Variants in TOMM5 observed in about 807,000 individuals in gnomAD.
TOMM5 encodes the protein mitochondrial import receptor subunit TOM5 homolog.
Under a neutral mutation model 4.8 loss-of-function variants are expected in TOMM5, and 1 was observed. The ratio of observed to expected loss-of-function variants is 0.21; its 90% CI spans 0.07 to 0.99. The LOEUF is 0.99. Among genes scored for constraint, TOMM5 ranks in the 50% least tolerant of loss-of-function variants. The pLI is 0.60. For synonymous variants in TOMM5, 26 were observed against 26.7 expected (o/e 0.97, Z 0.08); for missense variants, 60 against 66.6 (o/e 0.90, Z 0.35).
At position 37,592,446 on chromosome 9, in the gene TOMM5, C is replaced by A. The variant is rs774502630; in HGVS notation, c.87G>T (p.Arg29=). ...GGAGGGCCACGTAGATGAGAAAGTTCCGTATGGAGGAGATCACATCCTCGC... is the reference window on the plus strand; with the variant it reads ...GGAGGGCCACGTAGATGAGAAAGTTACGTATGGAGGAGATCACATCCTCGC... The part of the protein sequence containing the change: ...KMREDVISSI[R]NFLIYVALLR... Residue 29 remains arginine, a synonymous_variant, in exon 1 of 2, where the codon CGG becomes CGT. Transcript: ENST00000321301. The A allele has an allele frequency of 6.6e-5, 107 of 1,614,062 alleles. No individual in the cohort carries two copies. The highest frequency in any genetic ancestry group is 8.9e-5 in the Non-Finnish European group (105 of 1,180,040).
chr9:37,588,954 A>G, intron 1 of TOMM5, 22 bp from the exon 2 acceptor site: 1 of 1,598,792 alleles, frequency 6.3e-7, no homozygotes, highest in Non-Finnish European at 8.6e-7. Context: ...ACAAATCTAA[A>G]ATTAGTTTTC....
chr9:37,589,971 C>T (rs1307523936), intron 1 of TOMM5, among the ~76,000 whole-genome samples: 1 of 152,212 alleles, frequency 6.6e-6, no homozygotes, highest in Non-Finnish European at 1.5e-5. Flanking sequence ...ATCCTTCCAA[C>T]AGAAACTTAT....
chr9:37,588,695 G>A lies in TOMM5; in HGVS notation c.*203C>T, dbSNP rs543784877. On this transcript the variant is annotated 3_prime_UTR_variant, in exon 2 of 2. Transcript: ENST00000321301. ...CAGGGATAAGGGTACACCAGATCAC[G>A]AGACATCGTTTCATACTTCCCAAAT... 1.4e-5 allele frequency: 10 copies of A among 696,496 alleles called. No homozygotes were observed. The highest frequency in any genetic ancestry group is 4.5e-5 in the South Asian group (3 of 66,662). The allele number at this position is 696,496 out of a possible 1,614,324, so 43.1% of individuals were successfully genotyped here. A position where few individuals can be genotyped will look rare whatever the true frequency, so the allele number is the denominator to read the frequency against.
intron 1 of TOMM5, among the ~76,000 whole-genome samples, chr9:37,591,494 C>G (rs554095247): frequency 7.9e-5 from 12 of 151,898 alleles, no homozygotes; most frequent in African/African-American, 2.9e-4. Context: ...AGTTCGAGAC[C>G]GGCCTGGCCA....
chr9:37,590,868 G>A (rs1354405568), intron 1 of TOMM5, among the ~76,000 whole-genome samples: 1 of 152,218 alleles, frequency 6.6e-6, no homozygotes, highest in African/African-American at 2.4e-5. Flanking sequence ...CAGAATAAGG[G>A]ACATCTCAGT....
At chr9:37,592,159 G>C in intron 1 of TOMM5, 1 of 1,432,952 alleles carries the variant, frequency 7.0e-7, no homozygotes, top group East Asian at 2.5e-5. Flanking sequence ...GCGCCCGGCA[G>C]CTCAAACATT....
chr9:37,590,270 C>T (rs2119234505), intron 1 of TOMM5, among the ~76,000 whole-genome samples: 1 of 152,194 alleles, frequency 6.6e-6, no homozygotes, highest in Admixed American at 6.5e-5. Flanking sequence ...TGTGTGCCTG[C>T]AGTCTCAATT....
At chr9:37,591,781 G>A (rs1318731528) in intron 1 of TOMM5, among the ~76,000 whole-genome samples, 1 of 151,994 alleles carries the variant, frequency 6.6e-6, no homozygotes, top group African/African-American at 2.4e-5. Context: ...ATCATTCACT[G>A]AATCGCTGAG....
At chr9:37,589,002 A>G in intron 1 of TOMM5, 70 bp from the exon 2 acceptor site, 2 of 1,347,674 alleles carry the variant, frequency 1.5e-6, no homozygotes, top group African/African-American at 1.4e-5. Context: ...TAGAATTATC[A>G]GGTTTATTCA....
At chr9:37,591,852 T>G (rs1354117716) in intron 1 of TOMM5, among the ~76,000 whole-genome samples, 1 of 152,172 alleles carries the variant, frequency 6.6e-6, no homozygotes, top group Admixed American at 6.5e-5. Context: ...TGGTTCTGTT[T>G]CTCTGTTTCT....
chr9:37,590,329 G>A (rs374313945), intron 1 of TOMM5, among the ~76,000 whole-genome samples: 38 of 152,162 alleles, frequency 2.5e-4, no homozygotes, highest in African/African-American at 8.9e-4. Context: ...CTGGGAGGTC[G>A]AGGTTGCTGT....
At chr9:37,589,804 G>A (rs1387458065) in intron 1 of TOMM5, among the ~76,000 whole-genome samples, 2 of 152,098 alleles carry the variant, frequency 1.3e-5, no homozygotes, top group African/African-American at 2.4e-5. Context: ...TTACAGGCAT[G>A]AGCCACTGCG....
intron 1 of TOMM5, chr9:37,592,136 G>A: frequency 7.7e-7 from 1 of 1,291,936 alleles, no homozygotes; most frequent in Non-Finnish European, 1.0e-6. Context: ...TGGGATTACA[G>A]GTGTGAGCCA....
chr9:37,589,168 A>G (rs1588873399), intron 1 of TOMM5, among the ~76,000 whole-genome samples: 1 of 152,374 alleles, frequency 6.6e-6, no homozygotes, highest in Admixed American at 6.5e-5. Context: ...TTCTCCAGAT[A>G]GTTTGCCCCT....
chr9:37,592,270 C>T (rs1488473381), intron 1 of TOMM5, 142 bp downstream of exon 1: 1 of 1,551,624 alleles, frequency 6.4e-7, no homozygotes, highest in Non-Finnish European at 8.7e-7. Context: ...CGCGCATATG[C>T]CCGTCGCCTT....
chr9:37,588,774 C>A lies in TOMM5; in HGVS notation c.*124G>T. The A allele has an allele frequency of 1.0e-6, 1 of 984,096 alleles. No individual in the cohort carries two copies. The highest frequency in any genetic ancestry group is 1.6e-6 in the Non-Finnish European group (1 of 614,950). 61.0% of individuals were successfully genotyped at this position (984,096 alleles called of 1,614,324 possible). ...TTACCAGAGCCAAACTTGTTCTTAA[C>A]AAGCAGAATTTTATGTCCATTCAAA... On this transcript the variant is annotated 3_prime_UTR_variant, in exon 2 of 2. Transcript: ENST00000321301.
rs1338835270 is a variant in TOMM5, at chr9:37,588,718, A to G, written c.*180T>C. 1 of 711,336 alleles carries G rather than the reference A, an allele frequency of 1.4e-6. No homozygotes were observed. The highest frequency in any genetic ancestry group is 2.0e-5 in the Admixed American group (1 of 50,018). The allele number at this position is 711,336 out of a possible 1,614,324, so 44.1% of individuals were successfully genotyped here. ...ACGAGACATCGTTTCATACTTCCCA[A>G]ATAGTTTTATATTTTAGCTTTGAAG... On this transcript the variant is annotated 3_prime_UTR_variant, in exon 2 of 2. Transcript: ENST00000321301.
Position 37,588,691 on chromosome 9 carries a change from T to A in TOMM5, c.*207A>T, listed in dbSNP as rs1823053723. Reference sequence around the variant, plus strand: ...GTCACAGGGATAAGGGTACACCAGATCACGAGACATCGTTTCATACTTCCC... The same window carrying A: ...GTCACAGGGATAAGGGTACACCAGAACACGAGACATCGTTTCATACTTCCC... On this transcript the variant is annotated 3_prime_UTR_variant, in exon 2 of 2. Transcript: ENST00000321301. 2.9e-6 allele frequency: 2 copies of A among 694,992 alleles called. No individual in the cohort carries two copies. The highest frequency in any genetic ancestry group is 5.2e-6 in the Non-Finnish European group (2 of 380,976). 43.1% of individuals were successfully genotyped at this position (694,992 alleles called of 1,614,324 possible).
Position 37,588,898 on chromosome 9 carries a change from T to C in TOMM5, c.156A>G (p.Ter52TrpextTer11). Residue 52 changes from the stop codon to tryptophan (W), a stop_lost, in exon 2 of 2, where the codon TGA becomes TGG. Transcript: ENST00000321301. ...PFILKKLDSI[*>W] The stretch of plus-strand genomic sequence containing the variant: ...TGCATTCATATGTGATGTCCTGTCT[T>C]CATATGCTGTCCAATTTCTTTAAGA... 6.2e-7 allele frequency: 1 copy of C among 1,613,958 alleles called. No homozygotes were observed. The highest frequency in any genetic ancestry group is 8.5e-7 in the Non-Finnish European group (1 of 1,179,888).
Sources: gnomAD v4.1 joint callset for allele counts (sites outside exome capture counted in the v4.1 genomes callset) on GRCh38, gnomAD v4.1.1 for gene constraint, MANE v1.5 for transcripts, NCBI Gene and HGNC (gene_info 2026-07-23, HGNC 2026-07-21) for gene names.